Variants in PTTG1IP2 observed in about 807,000 individuals in gnomAD.
The protein encoded by PTTG1IP2 is PTTG1IP family member 2.
At chr7:90,500,795 A>G (rs796359750) in intron 6 of PTTG1IP2, among the ~76,000 whole-genome samples, 41 of 152,300 alleles carry the variant, frequency 2.7e-4, no homozygotes, top group African/African-American at 9.9e-4. Flanking sequence ...GGCTAGGGCA[A>G]TTTCCAAAGA....
chr7:90,511,347 A>C (rs1017186199), intron 6 of PTTG1IP2, among the ~76,000 whole-genome samples: 2 of 152,244 alleles, frequency 1.3e-5, no homozygotes, highest in African/African-American at 4.8e-5. Context: ...AGTAACTTTT[A>C]AACCTTGATT....
Position 90,470,470 on chromosome 7 carries a change from G to A in PTTG1IP2, c.145+539G>A, listed in dbSNP as rs536857697. 7.9e-5 allele frequency: 12 copies of A among 152,244 alleles called. No individual in the cohort carries two copies. In the East Asian group the frequency reaches 1.7e-3, roughly 22 times the overall value. The allele number at this position is 152,244 out of a possible 1,614,324, so 9.4% of individuals were successfully genotyped here. On this transcript the variant is annotated intron_variant, in intron 1 of 6. Coordinates refer to ENST00000509356, the MANE Select transcript of PTTG1IP2 (RefSeq NM_001365443.2). ...GTTTTAAGTATCCTAAATTGGAACC[G>A]TATAGACAAAATAAGAGACAGAATT...
At position 90,511,715 on chromosome 7, in the gene PTTG1IP2, T is replaced by G. The variant is rs146259645; in HGVS notation, c.*51-1563T>G. 9.5e-4 allele frequency among the ~76,000 whole-genome samples: 145 copies of G among 152,308 alleles called. 1 individual carries two copies. The highest frequency in any genetic ancestry group is 3.3e-3 in the African/African-American group (139 of 41,572). On this transcript the variant is annotated intron_variant, in intron 6 of 6. Transcript: ENST00000509356. ...TTTTCCCTCTCTCCTCATACTCATC[T>G]TAAGAGGGAAATTGTGTTTTACTCA... is the stretch of plus-strand genomic sequence containing the variant.
chr7:90,477,277 T>C (rs943510847), intron 1 of PTTG1IP2, among the ~76,000 whole-genome samples: 3 of 152,148 alleles, frequency 2.0e-5, no homozygotes, highest in African/African-American at 7.2e-5. Flanking sequence ...TCTTTAGGAA[T>C]AGAAGAGAAG....
At chr7:90,501,806 G>A (rs1423448017) in intron 6 of PTTG1IP2, among the ~76,000 whole-genome samples, 1 of 152,180 alleles carries the variant, frequency 6.6e-6, no homozygotes, top group East Asian at 1.9e-4. Flanking sequence ...GGTTGCTGAA[G>A]TTTGGGTTTG....
intron 4 of PTTG1IP2, among the ~76,000 whole-genome samples, chr7:90,489,603 G>C (rs1797916380): frequency 6.6e-6 from 1 of 151,696 alleles, no homozygotes; most frequent in Admixed American, 6.6e-5. Context: ...TGTCAAATGT[G>C]TAATATTTAC....
intron 2 of PTTG1IP2, among the ~76,000 whole-genome samples, chr7:90,486,467 C>CTTTTTTTTTTTTTT (rs532687452): frequency 1.7e-5 from 2 of 119,222 alleles, no homozygotes; most frequent in Non-Finnish European, 3.5e-5. Flanking sequence ...CTTTGTCTTC[C>CTTTTTTTTTTTTTT]TTTTTTTTTT....
In PTTG1IP2 at chr7:90,498,247, G is replaced by A. The variant is rs1054131492; in HGVS notation, c.*50+3817G>A. Among the ~76,000 whole-genome samples the A allele has an allele frequency of 2.2e-4, 33 of 152,220 alleles. No individual in the cohort carries two copies. The Middle Eastern group carries it at 0.01, about 47-fold the overall frequency. On this transcript the variant is annotated intron_variant, in intron 6 of 6. Coordinates refer to ENST00000509356, the MANE Select transcript of PTTG1IP2 (RefSeq NM_001365443.2). ...TCACTGTGTTAGCCAGGATGGTCTCGATCTCCTGACCTCATGAGAATCCCT... is the reference window on the plus strand; with the variant it reads ...TCACTGTGTTAGCCAGGATGGTCTCAATCTCCTGACCTCATGAGAATCCCT...
At chr7:90,507,025 G>A (rs185857357) in intron 6 of PTTG1IP2, among the ~76,000 whole-genome samples, 206 of 152,196 alleles carry the variant, frequency 1.4e-3, no homozygotes, top group African/African-American at 4.8e-3. Flanking sequence ...CTGACCTATT[G>A]TTTGTATAAA....
chr7:90,477,129 A>G (rs904209466), intron 1 of PTTG1IP2, among the ~76,000 whole-genome samples: 2 of 152,208 alleles, frequency 1.3e-5, no homozygotes, highest in Non-Finnish European at 2.9e-5. Context: ...GAGAGCTAGG[A>G]GAAATGATAC....
intron 2 of PTTG1IP2, among the ~76,000 whole-genome samples, chr7:90,485,593 G>A (rs1477824200): frequency 6.6e-6 from 1 of 152,168 alleles, no homozygotes; most frequent in Non-Finnish European, 1.5e-5. Context: ...ACATTGTTGA[G>A]TTTCCCTGGC....
intron 4 of PTTG1IP2, among the ~76,000 whole-genome samples, chr7:90,489,686 T>TA (rs1797917164): frequency 6.6e-6 from 1 of 151,932 alleles, no homozygotes; most frequent in Admixed American, 6.6e-5. Context: ...TGTTAACTAC[T>TA]AAAAAGGATA....
intron 1 of PTTG1IP2, among the ~76,000 whole-genome samples, chr7:90,472,565 G>A (rs148987001): frequency 6.6e-6 from 1 of 152,300 alleles, no homozygotes; most frequent in Non-Finnish European, 1.5e-5. Flanking sequence ...TTCTGCTAAT[G>A]GTGAACACAC....
At chr7:90,511,579 A>C (rs1173265977) in intron 6 of PTTG1IP2, among the ~76,000 whole-genome samples, 3 of 151,822 alleles carry the variant, frequency 2.0e-5, no homozygotes, top group Admixed American at 6.6e-5. Context: ...TGTAGTTAAA[A>C]CTCTTAACTT....
rs1798210229 is a variant in PTTG1IP2 at position 90,513,330 on chromosome 7, T to G, written c.*103T>G. ...ACAGCCTCTTTGAGAATGATTGAAC[T>G]TCCAAATTCCCTGAAGTTAAAATTT... On this transcript the variant is annotated 3_prime_UTR_variant, in exon 7 of 7. Transcript: ENST00000509356. The G allele has an allele frequency of 6.6e-6, 1 of 152,658 alleles. No homozygotes were observed. The highest frequency in any genetic ancestry group is 1.5e-5 in the Non-Finnish European group (1 of 68,048). The allele number at this position is 152,658 out of a possible 1,614,324, so 9.5% of individuals were successfully genotyped here. A position where few individuals can be genotyped will look rare whatever the true frequency, so the allele number is the denominator to read the frequency against.
intron 4 of PTTG1IP2, among the ~76,000 whole-genome samples, chr7:90,491,853 A>G (rs906956513): frequency 6.6e-6 from 1 of 152,196 alleles, no homozygotes; most frequent in African/African-American, 2.4e-5. Flanking sequence ...GCATAAGACC[A>G]GGTGCAGTGG....
In PTTG1IP2 at chr7:90,510,346, C is replaced by G. The variant is rs28947526; in HGVS notation, c.*51-2932C>G. Among the ~76,000 whole-genome samples, 692 of 152,270 alleles carry G rather than the reference C, an allele frequency of 4.5e-3. 16 individuals are homozygous for G. In the East Asian group the frequency reaches 0.06, roughly 13 times the overall value. ...GACTCCTTATAATTTTGTGGTAGCA[C>G]AGCTCTGCAGTAGCCTAGATTTATG... On this transcript the variant is annotated intron_variant, in intron 6 of 6. Coordinates refer to ENST00000509356, the MANE Select transcript of PTTG1IP2 (RefSeq NM_001365443.2).
intron 1 of PTTG1IP2, among the ~76,000 whole-genome samples, chr7:90,478,768 T>C (rs548848393): frequency 6.6e-6 from 1 of 152,134 alleles, no homozygotes; most frequent in East Asian, 1.9e-4. Flanking sequence ...ACTAGAGGAA[T>C]GAAAATCCTC....
intron 6 of PTTG1IP2, among the ~76,000 whole-genome samples, chr7:90,507,840 C>A (rs1798141094): frequency 6.6e-6 from 1 of 151,898 alleles, no homozygotes; most frequent in Admixed American, 6.6e-5. Context: ...TATTATGAGC[C>A]TATTATGTCA....
Sources: allele counts gnomAD v4.1 joint callset (sites outside exome capture counted in the v4.1 genomes callset), GRCh38; gene constraint gnomAD v4.1.1; transcripts MANE v1.5; gene names NCBI Gene and HGNC (gene_info 2026-07-23, HGNC 2026-07-21).